Variants in DAAM2 observed in about 807,000 individuals in gnomAD.
The protein encoded by DAAM2 is dishevelled associated activator of morphogenesis 2.
A neutral mutation model predicts 120.7 loss-of-function variants in DAAM2; 39 were observed. The observed-to-expected ratio is 0.32, with a 90% CI of 0.25 to 0.42. DAAM2 has a LOEUF of 0.42. DAAM2 is among the 10% of genes least tolerant of loss of function. The pLI, the probability that DAAM2 is intolerant of heterozygous loss-of-function variation, is 1.00. For missense variants in DAAM2, 1,283 were observed against 1,401.7 expected (o/e 0.92, Z 1.35); for synonymous variants, 488 against 524.9 (o/e 0.93, Z 0.96).
At chr6:39,870,310 T>C (rs1764605890) in intron 7 of DAAM2, 30 bp from the exon 8 acceptor site, 1 of 1,394,194 alleles carries the variant, frequency 7.2e-7, no homozygotes, top group Non-Finnish European at 1.0e-6. Context: ...GATCTGCCAA[T>C]GAGTCTGGCC....
chr6:39,842,094 C>A (rs192062301), intron 1 of DAAM2, among the ~76,000 whole-genome samples: 1 of 152,186 alleles, frequency 6.6e-6, no homozygotes, highest in Non-Finnish European at 1.5e-5. Flanking sequence ...ATTGAGGGTG[C>A]CTGGCCAAGG....
chr6:39,878,604 C>T lies in DAAM2; in HGVS notation c.1545+16C>T. The T allele has an allele frequency of 6.3e-7, 1 of 1,592,180 alleles. No homozygotes were observed. ...TGAACTCTCAGTATGCAAGCATCTC[C>T]CCCTTTACATAGTTGAGCCAAGACC... On this transcript the variant is annotated intron_variant, in intron 13 of 24. Transcript: ENST00000274867. This position sits in a 1 kb window ranked among gnomAD's most constrained non-coding sequence, Gnocchi z 5.0.
intron 9 of DAAM2, 34 bp from the exon 10 acceptor site, chr6:39,873,204 T>C (rs761278739): frequency 1.0e-5 from 14 of 1,393,732 alleles, no homozygotes; most frequent in Non-Finnish European, 1.4e-5. Context: ...CTCTGCTGCC[T>C]ACCCACTGAT....
chr6:39,873,011 A>C (rs1292383400), intron 9 of DAAM2, among the ~76,000 whole-genome samples: 1 of 152,210 alleles, frequency 6.6e-6, no homozygotes, highest in East Asian at 1.9e-4. Flanking sequence ...ACAATGAGTA[A>C]TTATCTGACC....
chr6:39,819,413 A>G (rs1165410390), intron 1 of DAAM2: 1 of 152,154 alleles, frequency 6.6e-6, no homozygotes, highest in Non-Finnish European at 1.5e-5. Flanking sequence ...GACACATCTA[A>G]TGCCTATTCA....
intron 9 of DAAM2, among the ~76,000 whole-genome samples, 171 bp from the exon 10 acceptor site, chr6:39,873,067 T>C (rs923021377): frequency 3.3e-5 from 5 of 152,194 alleles, no homozygotes. Flanking sequence ...GTTTATAAAA[T>C]TGACTATCTC....
At position 39,870,357 on chromosome 6, in the gene DAAM2, C is replaced by T; in HGVS notation, c.891C>T (p.Arg297=). The change falls in exon 8 of 25, where the codon CGC becomes CGT. Residue 297 remains arginine (R), a synonymous_variant. Transcript: ENST00000274867. ...ACCCCCAGGATAATCTGGAGTTCCG[C>T]CTACATCTACGGTATGAATTCCTGA... ...AGAGEDNLEF[R]LHLRYEFLML... 2 of 1,576,324 alleles carry T rather than the reference C, an allele frequency of 1.3e-6. No individual in the cohort carries two copies. Among genetic ancestry groups the T allele is most frequent in the Non-Finnish European group, 1.7e-6 (2 of 1,159,222 alleles).
intron 1 of DAAM2, among the ~76,000 whole-genome samples, chr6:39,824,109 G>A (rs1156363384): frequency 6.6e-6 from 1 of 152,092 alleles, no homozygotes; most frequent in Non-Finnish European, 1.5e-5. Context: ...CAGCTCTGGG[G>A]GCCTTCTGTG....
chr6:39,813,176 G>GTA (rs1010579892), intron 1 of DAAM2, among the ~76,000 whole-genome samples: 18 of 152,088 alleles, frequency 1.2e-4, no homozygotes, highest in African/African-American at 3.9e-4. Flanking sequence ...GCGTGTGTGT[G>GTA]TGTATGTATG....
rs1275176005 is a variant in DAAM2, at chr6:39,901,387, A to G, written c.2897A>G (p.Gln966Arg). ...TTTGGCATCTTTGATACCTTCTTGC[A>G]GGCCTTCTCAGAGGCCCGGCAGGAT... is the stretch of plus-strand genomic sequence containing the variant. ...EFFGIFDTFL[Q>R]AFSEARQDLE... Residue 966 changes from glutamine to arginine, a missense_variant, in exon 24 of 25, where the codon CAG becomes CGG. Around this residue, in one of 3 missense-constraint regions of DAAM2, gnomAD observed 748 missense variants for 768.6 expected, o/e 0.97. Transcript: ENST00000274867. This position sits in a 1 kb window ranked among gnomAD's most constrained non-coding sequence, Gnocchi z 4.5. The G allele has an allele frequency of 6.2e-7, 1 of 1,613,784 alleles. No homozygotes were observed. The highest frequency in any genetic ancestry group is 1.3e-5 in the African/African-American group (1 of 74,912).
chr6:39,845,639 CTT>C (rs1338920773), intron 1 of DAAM2, among the ~76,000 whole-genome samples: 2 of 151,988 alleles, frequency 1.3e-5, no homozygotes, highest in Non-Finnish European at 2.9e-5. Flanking sequence ...GCATTCATGT[CTT>C]CTCTCTCCTC....
At chr6:39,815,040 C>T (rs1762268211) in intron 1 of DAAM2, among the ~76,000 whole-genome samples, 1 of 152,182 alleles carries the variant, frequency 6.6e-6, no homozygotes, top group South Asian at 2.1e-4. Context: ...AATTGTGGGA[C>T]CTTAGACCAG....
chr6:39,885,041 G>C (rs1562053328), intron 15 of DAAM2: 1 of 152,216 alleles, frequency 6.6e-6, no homozygotes, highest in Non-Finnish European at 1.5e-5. Flanking sequence ...TACTTAGCCT[G>C]GGATCTCAGT....
intron 1 of DAAM2, among the ~76,000 whole-genome samples, chr6:39,798,692 C>T (rs1457877124): frequency 6.6e-6 from 1 of 152,070 alleles, no homozygotes; most frequent in East Asian, 1.9e-4. Flanking sequence ...AAGAACAGTG[C>T]ACCTGTATAC....
At chr6:39,859,581 G>T (rs1764131705) in intron 2 of DAAM2, among the ~76,000 whole-genome samples, 1 of 152,134 alleles carries the variant, frequency 6.6e-6, no homozygotes, top group Non-Finnish European at 1.5e-5. Context: ...GAATTGAGAT[G>T]AACTGTAACT....
chr6:39,828,814 G>A (rs1025489283), intron 1 of DAAM2, among the ~76,000 whole-genome samples: 66 of 152,156 alleles, frequency 4.3e-4, no homozygotes, highest in African/African-American at 1.5e-3. Flanking sequence ...GCCCGCCTCT[G>A]CCTCCCGCCT....
chr6:39,856,473 C>T lies in DAAM2; in HGVS notation c.168+3C>T. The T allele has an allele frequency of 1.4e-6, 2 of 1,444,720 alleles. No individual in the cohort carries two copies. Among genetic ancestry groups the T allele is most frequent in the Non-Finnish European group, 9.2e-7 (1 of 1,092,752 alleles). 89.5% of individuals were successfully genotyped at this position (1,444,720 alleles called of 1,614,324 possible). Reference sequence around the variant, plus strand: ...ACATCCGCTTTGCAGAGCTGGTGGTCAGTGAGAGGGTGGGGAGAGACAGTG... The same window carrying T: ...ACATCCGCTTTGCAGAGCTGGTGGTTAGTGAGAGGGTGGGGAGAGACAGTG... On this transcript the variant is annotated splice_donor_region_variant and intron_variant, in intron 2 of 24. Transcript: ENST00000274867.
intron 1 of DAAM2, among the ~76,000 whole-genome samples, chr6:39,801,464 G>C (rs1761860273): frequency 6.6e-6 from 1 of 152,134 alleles, no homozygotes; most frequent in African/African-American, 2.4e-5. Flanking sequence ...TTGACTTTTG[G>C]GAATTCCTCT....
At chr6:39,802,489 T>C (rs1260548027) in intron 1 of DAAM2, among the ~76,000 whole-genome samples, 1 of 151,764 alleles carries the variant, frequency 6.6e-6, no homozygotes, top group Non-Finnish European at 1.5e-5. Flanking sequence ...GTCTGGCACA[T>C]AGTAAGCACT....
Sources: allele counts gnomAD v4.1 joint callset (sites outside exome capture counted in the v4.1 genomes callset), GRCh38; gene constraint gnomAD v4.1.1; regional missense constraint gnomAD v4.1.1; non-coding constraint Gnocchi (gnomAD v3.1); transcripts MANE v1.5; gene names NCBI Gene and HGNC (gene_info 2026-07-23, HGNC 2026-07-21).